PATJ: variants seen among roughly 807,000 people sequenced by gnomAD.
PATJ encodes PATJ crumbs cell polarity complex component.
A neutral mutation model predicts 224.9 loss-of-function variants in PATJ; 190 were observed. That is an observed-to-expected ratio of 0.84 (90% CI 0.75 to 0.95). The LOEUF (loss-of-function observed/expected upper bound fraction) is 0.95. PATJ is among the 40% of genes least tolerant of loss of function. The pLI, the probability that PATJ is intolerant of heterozygous loss-of-function variation, is 0.00. For missense variants in PATJ, 2,121 were observed against 2,270.3 expected, an observed-to-expected ratio of 0.93 and a Z score of 1.34; for synonymous variants, 769 against 820.3, an observed-to-expected ratio of 0.94 and a Z score of 1.07.
At chr1:61,797,237 A>G (rs1303943953) in intron 10 of PATJ, 50 bp from the exon 11 acceptor site, 14 of 1,573,888 alleles carry the variant, frequency 8.9e-6, no homozygotes, top group Non-Finnish European at 1.2e-5. Flanking sequence ...CAGAGCTAAA[A>G]ATAGTAGCTA....
At chr1:61,940,926 A>G (rs571368906) in intron 27 of PATJ, among the ~76,000 whole-genome samples, 4 of 152,150 alleles carry the variant, frequency 2.6e-5, no homozygotes, top group African/African-American at 7.2e-5. Context: ...ACAGTATTAC[A>G]TTTTCACTTT....
At chr1:62,127,568 G>T (rs538394482) in intron 39 of PATJ, among the ~76,000 whole-genome samples, 2 of 152,240 alleles carry the variant, frequency 1.3e-5, no homozygotes, top group Non-Finnish European at 2.9e-5. Flanking sequence ...CACTCTGAGA[G>T]GCCAAGGCGG....
rs201117100 is a variant in PATJ at position 61,769,397 on chromosome 1, G to A, written c.499G>A (p.Val167Ile). The change falls in exon 5 of 44, where the codon GTC becomes ATC. Residue 167 changes from valine (V) to isoleucine (I), a missense_variant. Physicochemically the swap from Val to Ile is conservative, Grantham distance 29. Transcript: ENST00000642238. ...LGKVDIFVKDVQPGSVADRDQ... is the reference protein window; with the variant it reads ...LGKVDIFVKDIQPGSVADRDQ... ...AAAAGTTGATATCTTCGTGAAGGAT[G>A]TCCAGCCAGGGAGTGTAGCAGACAG... The A allele has an allele frequency of 6.2e-6, 10 of 1,613,988 alleles. No individual in the cohort carries two copies. The highest frequency in any genetic ancestry group is 1.7e-5 in the Admixed American group (1 of 59,994).
intron 26 of PATJ, among the ~76,000 whole-genome samples, chr1:61,919,076 T>G (rs2149252835): frequency 6.6e-6 from 1 of 152,274 alleles, no homozygotes; most frequent in South Asian, 2.1e-4. Flanking sequence ...TTGAAAGTAA[T>G]TTTTCATTTA....
At chr1:62,068,333 T>A (rs895119475) in intron 31 of PATJ, among the ~76,000 whole-genome samples, 2 of 152,198 alleles carry the variant, frequency 1.3e-5, no homozygotes, top group African/African-American at 2.4e-5. Context: ...TTAGTTAGTT[T>A]GTTTGTTTTT....
Position 62,128,077 on chromosome 1 carries a change from C to G in PATJ, c.5149C>G (p.Arg1717Gly), listed in dbSNP as rs146406799. The change falls in exon 40 of 44, where the codon CGG becomes GGG. Residue 1717 changes from arginine (R) to glycine (G), a missense_variant. Arg to Gly is a moderately radical substitution (Grantham distance 125, BLOSUM62 -2). Transcript: ENST00000642238. ...AMIQASGVAA[R>G]TQKLKVGDRI... ...GATTCAGGCTAGCGGAGTGGCCGCA[C>G]GGACACAGAAGCTTAAAGTAAACGA... The G allele has an allele frequency of 1.9e-6, 3 of 1,614,066 alleles. No homozygotes were observed. The highest frequency in any genetic ancestry group is 1.1e-5 in the South Asian group (1 of 91,074).
chr1:61,779,393 C>G (rs980370336), intron 7 of PATJ, among the ~76,000 whole-genome samples: 4 of 152,164 alleles, frequency 2.6e-5, no homozygotes, highest in Non-Finnish European at 5.9e-5. Flanking sequence ...AATTTCTTCT[C>G]TAGGAAAGCT....
At chr1:62,100,289 A>G (rs1426191085) in intron 33 of PATJ, 2 of 703,662 alleles carry the variant, frequency 2.8e-6, no homozygotes, top group South Asian at 3.1e-5. Flanking sequence ...TGGGTAATTT[A>G]TTAAAAAAAG....
chr1:62,123,032 G>A lies in PATJ; in HGVS notation c.5017G>A (p.Glu1673Lys), dbSNP rs1558200172. 5 of 1,593,446 alleles carry A rather than the reference G, an allele frequency of 3.1e-6. No individual in the cohort carries two copies. In the South Asian group the frequency reaches 4.5e-5, roughly 14 times the overall value. The change falls in exon 39 of 44, where the codon GAA (glutamate) becomes AAA (lysine). Residue 1673 changes from glutamate (E) to lysine (K), a missense_variant. By Grantham distance (56) the Glu-to-Lys change is moderately conservative. Transcript: ENST00000642238. ...PSQKNSGTDM[E>K]PRTVEINREL... ...TTGCTTCTTTATAGGCACAGATATG[G>A]AACCAAGGACTGTTGAGATAAACAG...
At chr1:61,900,796 A>G (rs1392741734) in intron 23 of PATJ, among the ~76,000 whole-genome samples, 2 of 152,026 alleles carry the variant, frequency 1.3e-5, no homozygotes, top group Non-Finnish European at 2.9e-5. Flanking sequence ...TCACCATGTT[A>G]GCCAGGATGG....
At position 61,763,119 on chromosome 1, in the gene PATJ, G is replaced by C. The variant is rs1407863014; in HGVS notation, c.129G>C (p.Lys43Asn). 4 of 1,609,704 alleles carry C rather than the reference G, an allele frequency of 2.5e-6. No individual in the cohort carries two copies. Among genetic ancestry groups the C allele is most frequent in the Non-Finnish European group, 3.4e-6 (4 of 1,177,446 alleles). The change falls in exon 3 of 44, where the codon AAG becomes AAC. Residue 43 changes from lysine to asparagine, a missense_variant. Lys to Asn is a moderately conservative substitution (Grantham distance 94). Transcript: ENST00000642238. Reference sequence around the variant, plus strand: ...TATCTATGTTTTATGAGACACTAAAGAGTCCTCTCTTCAACCAGATACTCA... The same window carrying C: ...TATCTATGTTTTATGAGACACTAAACAGTCCTCTCTTCAACCAGATACTCA... ...EKLSMFYETL[K>N]SPLFNQILTL...
intron 27 of PATJ, among the ~76,000 whole-genome samples, chr1:61,945,645 C>A (rs1461615816): frequency 6.6e-6 from 1 of 151,948 alleles, no homozygotes; most frequent in Non-Finnish European, 1.5e-5. Flanking sequence ...CTTTAACACC[C>A]CACTGTCAAC....
At chr1:62,050,048 G>A (rs1029202254) in intron 30 of PATJ, among the ~76,000 whole-genome samples, 3 of 149,458 alleles carry the variant, frequency 2.0e-5, no homozygotes, top group Non-Finnish European at 4.4e-5. Context: ...CCCGGGAGGC[G>A]AAGGTTGCAG....
chr1:62,157,064 C>T (rs1669299326), intron 43 of PATJ, among the ~76,000 whole-genome samples: 1 of 152,134 alleles, frequency 6.6e-6, no homozygotes, highest in Non-Finnish European at 1.5e-5. Context: ...TGGCTCACGC[C>T]TGTAATCCCA....
intron 27 of PATJ, among the ~76,000 whole-genome samples, chr1:61,938,061 C>T (rs1366435946): frequency 6.6e-6 from 1 of 152,160 alleles, no homozygotes; most frequent in Non-Finnish European, 1.5e-5. Context: ...GGTACTGTTG[C>T]TGTCTTGAGA....
intron 41 of PATJ, among the ~76,000 whole-genome samples, chr1:62,132,065 C>G (rs1174380049): frequency 6.6e-6 from 1 of 152,038 alleles, no homozygotes; most frequent in Non-Finnish European, 1.5e-5. Context: ...CCAGGCTGGT[C>G]TCAAACTCCT....
intron 7 of PATJ, among the ~76,000 whole-genome samples, chr1:61,787,221 C>G (rs142506264): frequency 1.3e-5 from 2 of 152,186 alleles, no homozygotes; most frequent in Admixed American, 6.5e-5. Flanking sequence ...AAACTCTGCT[C>G]GATGCCTTCT....
intron 6 of PATJ, among the ~76,000 whole-genome samples, chr1:61,774,422 C>T (rs1646804717): frequency 6.6e-6 from 1 of 152,162 alleles, no homozygotes. Flanking sequence ...AGAGGGGAAA[C>T]ACTTATGTCT....
chr1:61,844,934 G>T (rs1661689822), intron 17 of PATJ, among the ~76,000 whole-genome samples: 1 of 152,130 alleles, frequency 6.6e-6, no homozygotes, highest in African/African-American at 2.4e-5. Flanking sequence ...CCCCAGCCAT[G>T]CGAAACTGTG....
Sources: gnomAD v4.1 joint callset for allele counts (sites outside exome capture counted in the v4.1 genomes callset) on GRCh38, gnomAD v4.1.1 for gene constraint, MANE v1.5 for transcripts, NCBI Gene and HGNC (gene_info 2026-07-23, HGNC 2026-07-21) for gene names.